The following SLC2A9 variants were observed in gnomAD, a reference collection of about 807,000 sequenced individuals.
The protein encoded by SLC2A9 is solute carrier family 2 member 9.
A neutral mutation model predicts 50.6 loss-of-function variants in SLC2A9; 39 were observed. That is an observed-to-expected ratio of 0.77 (90% CI 0.60 to 1.01). SLC2A9 has a LOEUF of 1.01. Ranked by LOEUF, SLC2A9 falls within the 50% of genes least tolerant of loss-of-function variation. The probability of loss-of-function intolerance (pLI) is 0.00; values close to 1 mark genes in which losing one functional copy is unlikely to be tolerated. For synonymous variants in SLC2A9, 324 were observed against 276.9 expected (o/e 1.17, Z -1.69); for missense variants, 686 against 677.6 (o/e 1.01, Z -0.14).
intron 1 of SLC2A9, 103 bp downstream of exon 1, chr4:10,021,177 G>T: frequency 1.6e-6 from 2 of 1,246,404 alleles, no homozygotes; most frequent in Non-Finnish European, 1.2e-6. Flanking sequence ...AGATCCCCCA[G>T]CTACACGCTG....
At chr4:9,867,503 A>G (rs184316912) in intron 10 of SLC2A9, among the ~76,000 whole-genome samples, 18 of 152,370 alleles carry the variant, frequency 1.2e-4, no homozygotes, top group Admixed American at 1.2e-3. Context: ...GATAATGATG[A>G]TAATGATGAA....
At chr4:9,972,024 T>C (rs1753988088) in intron 5 of SLC2A9, among the ~76,000 whole-genome samples, 1 of 152,242 alleles carries the variant, frequency 6.6e-6, no homozygotes. Context: ...TTTAAAATCC[T>C]TTGTCTTCTT....
intron 5 of SLC2A9, among the ~76,000 whole-genome samples, chr4:9,942,566 G>C (rs1339373630): frequency 6.6e-6 from 1 of 152,192 alleles, no homozygotes; most frequent in South Asian, 2.1e-4. Context: ...TGGGAGTGAG[G>C]AAGAGGGGGC....
At chr4:9,982,328 C>T (rs114444536) in intron 4 of SLC2A9, among the ~76,000 whole-genome samples, 2 of 152,222 alleles carry the variant, frequency 1.3e-5, no homozygotes, top group African/African-American at 2.4e-5. Flanking sequence ...GACATGAAGT[C>T]TCCAAGTCCT....
intron 8 of SLC2A9, among the ~76,000 whole-genome samples, chr4:9,899,331 C>T (rs929348328): frequency 1.3e-5 from 2 of 152,196 alleles, no homozygotes; most frequent in Admixed American, 6.5e-5. Context: ...TTATCACTGA[C>T]GCAGCTCCCT....
intron 5 of SLC2A9, among the ~76,000 whole-genome samples, chr4:9,977,772 A>G (rs1755050253): frequency 6.6e-6 from 1 of 151,828 alleles, no homozygotes; most frequent in South Asian, 2.1e-4. Flanking sequence ...GTCAGTGCCT[A>G]TTTTCCTATT....
At chr4:10,016,848 A>G (rs1452255958) in intron 2 of SLC2A9, among the ~76,000 whole-genome samples, 1 of 151,958 alleles carries the variant, frequency 6.6e-6, no homozygotes, top group Non-Finnish European at 1.5e-5. Context: ...ATGGCTCCCT[A>G]CTGCCCAAGA....
intron 5 of SLC2A9, among the ~76,000 whole-genome samples, chr4:9,956,133 C>T (rs975699673): frequency 2.6e-5 from 4 of 151,352 alleles, no homozygotes; most frequent in Non-Finnish European, 5.9e-5. Flanking sequence ...CCTGCCTCGG[C>T]CTCCCAAAAT....
intron 6 of SLC2A9, among the ~76,000 whole-genome samples, chr4:9,930,689 C>T (rs192549409): frequency 6.6e-6 from 1 of 152,144 alleles, no homozygotes; most frequent in Non-Finnish European, 1.5e-5. Flanking sequence ...AGAGGAGATG[C>T]CTGGATTGGA....
intron 10 of SLC2A9, chr4:9,880,016 G>C: frequency 1.0e-6 from 1 of 985,394 alleles, no homozygotes; most frequent in Non-Finnish European, 1.2e-6. Context: ...CCCTCTCCTG[G>C]GAGATCCATC....
At chr4:9,777,081 C>T (rs1314798047), downstream of SLC2A9, among the ~76,000 whole-genome samples, 4 of 152,166 alleles carry the variant, frequency 2.6e-5, no homozygotes, top group Admixed American at 1.3e-4. Flanking sequence ...TTATTTATAG[C>T]ATTTAGCACT....
In SLC2A9 at chr4:9,792,632, C is replaced by G. The variant is rs1720100059; in HGVS notation, n.386-12567G>C. 4 of 152,258 alleles carry G rather than the reference C, an allele frequency of 2.6e-5. No individual in the cohort carries two copies. The South Asian group carries it at 6.2e-4, about 24-fold the overall frequency. 9.4% of individuals were successfully genotyped at this position (152,258 alleles called of 1,614,324 possible). ...TGTGCCTCTGCAGCCAAATACACATCAGGTACATATGTACACACACTCCAC... is the reference window on the plus strand; with the variant it reads ...TGTGCCTCTGCAGCCAAATACACATGAGGTACATATGTACACACACTCCAC... On this transcript the variant is annotated intron_variant and non_coding_transcript_variant, in intron 3 of 3. Transcript: ENST00000503803.
chr4:9,852,313 C>T (rs566793131), intron 10 of SLC2A9, among the ~76,000 whole-genome samples: 17 of 150,922 alleles, frequency 1.1e-4, no homozygotes, highest in Non-Finnish European at 1.6e-4. Context: ...ACTGCAGTGG[C>T]GCAATCTCGG....
chr4:9,777,354 G>C (rs1414319730), downstream of SLC2A9, among the ~76,000 whole-genome samples: 1 of 150,934 alleles, frequency 6.6e-6, no homozygotes, highest in East Asian at 1.9e-4. Context: ...GAGTGCAGTG[G>C]TGTGATCTTG....
At chr4:9,926,296 A>C (rs1744890673) in intron 6 of SLC2A9, among the ~76,000 whole-genome samples, 1 of 144,940 alleles carries the variant, frequency 6.9e-6, no homozygotes, top group Non-Finnish European at 1.5e-5. Context: ...CAATGCAAAC[A>C]CACATTGTCT....
At chr4:9,944,093 C>T (rs1278795076) in intron 5 of SLC2A9, among the ~76,000 whole-genome samples, 1 of 152,218 alleles carries the variant, frequency 6.6e-6, no homozygotes, top group East Asian at 1.9e-4. Context: ...AGGGCACCCC[C>T]AGCATAGGAA....
intron 10 of SLC2A9, among the ~76,000 whole-genome samples, chr4:9,845,691 A>G (rs1728876568): frequency 6.6e-6 from 1 of 151,886 alleles, no homozygotes; most frequent in South Asian, 2.1e-4. Context: ...CGGCCTCCCA[A>G]AGTGCTGGGA....
intron 3 of SLC2A9, among the ~76,000 whole-genome samples, chr4:9,786,188 C>T (rs1327966888): frequency 6.6e-6 from 1 of 152,214 alleles, no homozygotes; most frequent in Admixed American, 6.5e-5. Context: ...TGGGTACACA[C>T]ATGTGTTAAT....
intron 10 of SLC2A9, chr4:9,880,060 G>C (rs1734942301): frequency 1.0e-6 from 1 of 985,442 alleles, no homozygotes; most frequent in Non-Finnish European, 1.2e-6. Flanking sequence ...AGGCCCATGA[G>C]TCTCTCTGCC....
Sources: allele counts gnomAD v4.1 joint callset (sites outside exome capture counted in the v4.1 genomes callset), GRCh38; gene constraint gnomAD v4.1.1; transcripts MANE v1.5; gene names NCBI Gene and HGNC (gene_info 2026-07-23, HGNC 2026-07-21).